The following GALNT14 variants were observed in gnomAD, a reference collection of about 807,000 sequenced individuals.
GALNT14 encodes the protein polypeptide N-acetylgalactosaminyltransferase 14.
In GALNT14, 60 loss-of-function variants were observed where a neutral mutation model predicts 77.5. The observed-to-expected ratio is 0.77, with a 90% CI of 0.63 to 0.96. The LOEUF is 0.96. Among genes scored for constraint, GALNT14 ranks in the 40% least tolerant of loss-of-function variants. GALNT14 has a pLI of 0.00. For synonymous variants in GALNT14, 280 were observed against 281.7 expected, an observed-to-expected ratio of 0.99 and a Z score of 0.06; for missense variants, 710 against 731.0, an observed-to-expected ratio of 0.97 and a Z score of 0.33.
At chr2:31,069,622 C>T (rs1675215472) in intron 1 of GALNT14, among the ~76,000 whole-genome samples, 1 of 152,142 alleles carries the variant, frequency 6.6e-6, no homozygotes, top group Admixed American at 6.5e-5. Context: ...TAACCCTGAC[C>T]CCAGGAGCCT....
At chr2:30,898,100 C>T in the GALNT14 span, among the ~76,000 whole-genome samples, 1 of 152,078 alleles carries the variant, frequency 6.6e-6, no homozygotes, top group Non-Finnish European at 1.5e-5. Flanking sequence ...GGGTGGAGCC[C>T]CTGTGAGTGG....
intron 2 of GALNT14, among the ~76,000 whole-genome samples, chr2:30,967,136 T>A (rs1265932557): frequency 1.3e-5 from 2 of 151,922 alleles, no homozygotes; most frequent in African/African-American, 4.8e-5. Context: ...CTTTAGGGAG[T>A]CAAATATTTG....
At position 31,119,875 on chromosome 2, in the gene GALNT14, G is replaced by GCT. The variant is rs1573375839; in HGVS notation, c.129+18082_129+18083insAG. 9.3e-3 allele frequency among the ~76,000 whole-genome samples: 1,277 copies of GCT among 137,486 alleles called. 88 individuals carry two copies. Among genetic ancestry groups the GCT allele is most frequent in the Middle Eastern group, 0.015 (4 of 266 alleles). The allele number at this position is 137,486 out of a possible 152,430, so 90.2% of individuals were successfully genotyped here. ...TGCAGTCATTAAAAATAATGAGCTA[G>GCT]GCCGGGCGCGGTGGCTCACGCCTGT... is the stretch of plus-strand genomic sequence containing the variant. On this transcript the variant is annotated intron_variant, in intron 1 of 14. Transcript: ENST00000349752.
At chr2:30,921,545 C>G (rs965703046) in intron 13 of GALNT14, among the ~76,000 whole-genome samples, 1 of 152,200 alleles carries the variant, frequency 6.6e-6, no homozygotes, top group Non-Finnish European at 1.5e-5. Flanking sequence ...GAAAAGCCAC[C>G]GCAAGCTGGA....
intron 1 of GALNT14, among the ~76,000 whole-genome samples, chr2:31,134,214 T>C (rs978688589): frequency 1.3e-5 from 2 of 151,614 alleles, no homozygotes; most frequent in African/African-American, 4.9e-5. Flanking sequence ...CCAGGAGCCC[T>C]TAATACAGCT....
At chr2:30,925,445 G>A (rs1048083823) in intron 11 of GALNT14, among the ~76,000 whole-genome samples, 1 of 152,220 alleles carries the variant, frequency 6.6e-6, no homozygotes, top group Non-Finnish European at 1.5e-5. Flanking sequence ...CTCAGAGGGG[G>A]ACCCTTGCTT....
chr2:30,999,156 T>G (rs1670211736), intron 1 of GALNT14, among the ~76,000 whole-genome samples: 1 of 152,234 alleles, frequency 6.6e-6, no homozygotes, highest in African/African-American at 2.4e-5. Context: ...GAGGATATCA[T>G]GAATCTATCC....
chr2:30,889,633 AT>A, the GALNT14 span, among the ~76,000 whole-genome samples: 2 of 152,232 alleles, frequency 1.3e-5, no homozygotes, highest in Non-Finnish European at 2.9e-5. Flanking sequence ...GGTGCAGGTT[AT>A]GCCAGCGAGT....
intron 6 of GALNT14, 80 bp downstream of exon 6, chr2:30,955,538 C>T (rs1667308465): frequency 6.5e-7 from 1 of 1,541,780 alleles, no homozygotes; most frequent in South Asian, 1.2e-5. Context: ...GGGGGTTGCA[C>T]ATGTGAAGTA....
intron 1 of GALNT14, among the ~76,000 whole-genome samples, chr2:31,003,650 C>T (rs559450572): frequency 3.9e-5 from 6 of 152,212 alleles, no homozygotes; most frequent in Non-Finnish European, 7.3e-5. Context: ...GTCTCAATTG[C>T]GCTCCACATG....
the GALNT14 span, among the ~76,000 whole-genome samples, chr2:30,887,365 T>A: frequency 6.6e-6 from 1 of 152,330 alleles, no homozygotes; most frequent in African/African-American, 2.4e-5. Context: ...AATTTCTTCA[T>A]ATCCTTGCTA....
Position 31,024,117 on chromosome 2 carries a change from C to T in GALNT14, c.130-31110G>A, listed in dbSNP as rs1162931725. On this transcript the variant is annotated intron_variant, in intron 1 of 14. Transcript: ENST00000349752. ...TTGAACAAGGCATCACCCTTGACTC[C>T]TCTATCTCAATCCCTACTGTCAGCA... 3.9e-5 allele frequency among the ~76,000 whole-genome samples: 6 copies of T among 152,046 alleles called. 1 individual carries two copies. The East Asian group carries it at 1.2e-3, about 29-fold the overall frequency.
At chr2:31,107,869 C>A (rs1428318482) in intron 1 of GALNT14, among the ~76,000 whole-genome samples, 2 of 152,078 alleles carry the variant, frequency 1.3e-5, no homozygotes, top group Non-Finnish European at 2.9e-5. Flanking sequence ...TTTAACTTTC[C>A]CCTAAAGCTT....
chr2:30,981,068 T>C (rs1447894032), intron 2 of GALNT14, among the ~76,000 whole-genome samples: 1 of 151,958 alleles, frequency 6.6e-6, no homozygotes, highest in Non-Finnish European at 1.5e-5. Flanking sequence ...GCATGAAGAG[T>C]CTTACTCTAA....
In GALNT14 at chr2:30,910,883, T is replaced by C; in HGVS notation, c.*18A>G. 1 of 1,612,802 alleles carries C rather than the reference T, an allele frequency of 6.2e-7. No homozygotes were observed. Among genetic ancestry groups the C allele is most frequent in the South Asian group, 1.1e-5 (1 of 90,964 alleles). On this transcript the variant is annotated 3_prime_UTR_variant, in exon 15 of 15. Coordinates refer to ENST00000349752, the MANE Select transcript of GALNT14 (RefSeq NM_024572.4). ...GGAAGCACCACCCCATGGCCCTTGC[T>C]GCTTCTGGCAGGGGTCCTCAAGAGC...
At chr2:31,023,552 T>C (rs894795488) in intron 1 of GALNT14, among the ~76,000 whole-genome samples, 1 of 152,082 alleles carries the variant, frequency 6.6e-6, no homozygotes, top group African/African-American at 2.4e-5. Flanking sequence ...CTGTTTGCAC[T>C]TTCTTCCCTT....
rs567687889 is a variant in GALNT14, at chr2:31,100,701, T to C, written c.129+37257A>G. On this transcript the variant is annotated intron_variant, in intron 1 of 14. Transcript: ENST00000349752. ...CCTGAGATGGATGTGTTTTAGCCTG[T>C]TAAAAAAAAAAAAATACCTGAACTA... is the stretch of plus-strand genomic sequence containing the variant. Among the ~76,000 whole-genome samples, 285 of 100,834 alleles carry C rather than the reference T, an allele frequency of 2.8e-3. 4 individuals carry two copies. Among genetic ancestry groups the C allele is most frequent in the African/African-American group, 0.014 (271 of 20,022 alleles). The allele number at this position is 100,834 out of a possible 152,430, so 66.2% of individuals were successfully genotyped here.
intron 1 of GALNT14, among the ~76,000 whole-genome samples, chr2:31,055,600 T>C (rs1368277689): frequency 2.0e-5 from 3 of 152,204 alleles, no homozygotes; most frequent in Non-Finnish European, 4.4e-5. Context: ...CACTGGGTCC[T>C]GGAAGGAGCC....
At chr2:31,039,901 G>A (rs547651632) in intron 1 of GALNT14, among the ~76,000 whole-genome samples, 1 of 152,286 alleles carries the variant, frequency 6.6e-6, no homozygotes, top group East Asian at 1.9e-4. Flanking sequence ...TCAGAGCCAA[G>A]TAATAAGAAA....
Sources: gnomAD v4.1 joint callset for allele counts (sites outside exome capture counted in the v4.1 genomes callset) on GRCh38, gnomAD v4.1.1 for gene constraint, MANE v1.5 for transcripts, NCBI Gene and HGNC (gene_info 2026-07-23, HGNC 2026-07-21) for gene names.